Variants in NCOA2 observed in about 807,000 individuals in gnomAD.
NCOA2 encodes class E basic helix-loop-helix protein 75.
In NCOA2, 21 loss-of-function variants were observed where a neutral mutation model predicts 145.1. That is an observed-to-expected ratio of 0.14 (90% CI 0.10 to 0.21). The LOEUF (loss-of-function observed/expected upper bound fraction) is 0.21, where lower values mean the gene tolerates loss of function less well. Ranked by LOEUF, NCOA2 falls within the 10% of genes least tolerant of loss-of-function variation. The pLI is 1.00. For missense variants in NCOA2, 1,472 were observed against 1,837.6 expected (o/e 0.80, Z 3.64); for synonymous variants, 619 against 637.5 (o/e 0.97, Z 0.44).
chr8:70,435,046 T>G, the NCOA2 span, among the ~76,000 whole-genome samples: 2 of 152,196 alleles, frequency 1.3e-5, no homozygotes, highest in African/African-American at 2.4e-5. Context: ...ACTGTTTATG[T>G]ATCTGTCCCT....
chr8:70,156,221 A>G lies in NCOA2; in HGVS notation c.2144T>C (p.Leu715Pro). 6.2e-7 allele frequency: 1 copy of G among 1,613,960 alleles called. No homozygotes were observed. Among genetic ancestry groups the G allele is most frequent in the African/African-American group, 1.3e-5 (1 of 75,032 alleles). The change falls in exon 11 of 23, where the codon CTG becomes CCG. Residue 715 changes from leucine (L) to proline (P), a missense_variant. Coordinates refer to ENST00000452400, the MANE Select transcript of NCOA2 (RefSeq NM_006540.4). Reference protein sequence around the residue: ...KLTAEATGKDLSQESSSTAPG... With the variant: ...KLTAEATGKDPSQESSSTAPG... ...AGCTGTGCTGCTGGACTCCTGGCTC[A>G]GGTCTTTGCCTGTGGCTTCTGCTGT...
At chr8:70,210,387 T>G (rs1258833204) in intron 4 of NCOA2, among the ~76,000 whole-genome samples, 64 of 152,282 alleles carry the variant, frequency 4.2e-4, no homozygotes, top group Non-Finnish European at 2.9e-5. Context: ...ATTATGAATG[T>G]CGGCCAAAAA....
chr8:70,192,912 C>T (rs1311753105), intron 4 of NCOA2, among the ~76,000 whole-genome samples: 2 of 151,660 alleles, frequency 1.3e-5, no homozygotes, highest in Non-Finnish European at 2.9e-5. Flanking sequence ...ACTAAAAATA[C>T]GAAAATTAGC....
chr8:70,398,419 T>C (rs1169622671), intron 1 of NCOA2, among the ~76,000 whole-genome samples: 1 of 152,108 alleles, frequency 6.6e-6, no homozygotes, highest in Non-Finnish European at 1.5e-5. Context: ...TGTGATCATG[T>C]CACTGCACTC....
intron 1 of NCOA2, among the ~76,000 whole-genome samples, chr8:70,299,208 T>C (rs1827312572): frequency 2.6e-5 from 4 of 152,200 alleles, no homozygotes; most frequent in Admixed American, 2.6e-4. Flanking sequence ...TTACAAACTT[T>C]TTTATAAGTT....
At chr8:70,166,237 T>C (rs896736318) in intron 7 of NCOA2, among the ~76,000 whole-genome samples, 3 of 152,204 alleles carry the variant, frequency 2.0e-5, no homozygotes. Context: ...AGCCGCTAAC[T>C]GCATGTGGCT....
At chr8:70,128,408 G>A (rs1433043769) in intron 18 of NCOA2, 25 bp downstream of exon 18, 2 of 1,595,500 alleles carry the variant, frequency 1.3e-6, no homozygotes, top group South Asian at 2.2e-5. Context: ...TACAATGAAA[G>A]CTAATGGCTG....
At chr8:70,393,550 C>G (rs1287674047) in intron 1 of NCOA2, among the ~76,000 whole-genome samples, 2 of 152,002 alleles carry the variant, frequency 1.3e-5, no homozygotes, top group African/African-American at 4.8e-5. Flanking sequence ...CCCATACACA[C>G]AGTGAGAGGA....
intron 1 of NCOA2, among the ~76,000 whole-genome samples, chr8:70,320,900 G>T (rs1805998064): frequency 6.6e-6 from 1 of 152,104 alleles, no homozygotes; most frequent in African/African-American, 2.4e-5. Flanking sequence ...CTCTATTAAA[G>T]AACTAAGGTT....
chr8:70,225,777 G>C (rs1485016141), intron 2 of NCOA2, among the ~76,000 whole-genome samples: 1 of 152,024 alleles, frequency 6.6e-6, no homozygotes, highest in Non-Finnish European at 1.5e-5. Context: ...ATGAAAAGCG[G>C]TACAATGTTG....
At chr8:70,447,951 C>A in the NCOA2 span, among the ~76,000 whole-genome samples, 23 of 152,202 alleles carry the variant, frequency 1.5e-4, no homozygotes, top group Non-Finnish European at 2.9e-4. Flanking sequence ...TCCCAAAGTG[C>A]TGGGATTACA....
the NCOA2 span, among the ~76,000 whole-genome samples, chr8:70,451,957 G>GTGTT: frequency 0.17 from 25,392 of 151,262 alleles, 2,343 homozygotes; most frequent in East Asian, 0.26. Flanking sequence ...GGCATTTAAG[G>GTGTT]TGTTTGTTTG....
At chr8:70,276,429 G>T (rs1825472817) in intron 2 of NCOA2, among the ~76,000 whole-genome samples, 3 of 152,304 alleles carry the variant, frequency 2.0e-5, no homozygotes, top group South Asian at 4.1e-4. Context: ...TAAGTACACT[G>T]ATATAGTTTG....
chr8:70,225,315 C>T (rs1048065438), intron 2 of NCOA2, among the ~76,000 whole-genome samples: 5 of 152,134 alleles, frequency 3.3e-5, no homozygotes, highest in Admixed American at 6.5e-5. Context: ...TTTTGGGAGC[C>T]GGTGCAGGTG....
intron 1 of NCOA2, among the ~76,000 whole-genome samples, chr8:70,388,963 C>G (rs1345200923): frequency 1.3e-5 from 2 of 152,128 alleles, no homozygotes; most frequent in African/African-American, 4.8e-5. Flanking sequence ...GAGGGAAATA[C>G]TACTCATTTT....
intron 4 of NCOA2, among the ~76,000 whole-genome samples, chr8:70,184,413 T>C (rs1474174589): frequency 6.6e-6 from 1 of 152,270 alleles, no homozygotes; most frequent in Non-Finnish European, 1.5e-5. Context: ...AATTGTCACA[T>C]TTGCCTGGGG....
At chr8:70,390,676 A>T (rs1351054851) in intron 1 of NCOA2, among the ~76,000 whole-genome samples, 2 of 151,962 alleles carry the variant, frequency 1.3e-5, no homozygotes. Flanking sequence ...CAGAGGTGAG[A>T]GGATCACTTG....
At chr8:70,263,693 C>T (rs538196997) in intron 2 of NCOA2, among the ~76,000 whole-genome samples, 30 of 151,682 alleles carry the variant, frequency 2.0e-4, no homozygotes, top group African/African-American at 7.0e-4. Flanking sequence ...CGCGCCACTG[C>T]ACTCCAGCCT....
chr8:70,372,332 C>T (rs1811294405), intron 1 of NCOA2, among the ~76,000 whole-genome samples: 1 of 152,126 alleles, frequency 6.6e-6, no homozygotes, highest in African/African-American at 2.4e-5. Flanking sequence ...AGGAATATAA[C>T]TCTTAGTACA....
Sources: allele counts gnomAD v4.1 joint callset (sites outside exome capture counted in the v4.1 genomes callset), GRCh38; gene constraint gnomAD v4.1.1; transcripts MANE v1.5; gene names NCBI Gene and HGNC (gene_info 2026-07-23, HGNC 2026-07-21).